Variants in ENTPD1 observed in about 807,000 individuals in gnomAD.
ENTPD1 encodes ATP diphosphohydrolase.
A neutral mutation model predicts 57.0 loss-of-function variants in ENTPD1; 33 were observed. That is an observed-to-expected ratio of 0.58 (90% CI 0.44 to 0.77). The LOEUF (loss-of-function observed/expected upper bound fraction) is 0.77, where lower values mean the gene tolerates loss of function less well. ENTPD1 is among the 30% of genes least tolerant of loss of function. The pLI is 0.00. For synonymous variants in ENTPD1, 202 were observed against 218.8 expected, an observed-to-expected ratio of 0.92 and a Z score of 0.68; for missense variants, 501 against 603.4, an observed-to-expected ratio of 0.83 and a Z score of 1.78.
At chr10:95,775,648 A>G (rs746100794) in intron 1 of ENTPD1, among the ~76,000 whole-genome samples, 2 of 152,082 alleles carry the variant, frequency 1.3e-5, no homozygotes, top group African/African-American at 2.4e-5. Flanking sequence ...GTAGATGTCT[A>G]TTAGGTTTGC....
intron 3 of ENTPD1, among the ~76,000 whole-genome samples, chr10:95,840,541 C>T (rs1356924636): frequency 1.3e-5 from 2 of 152,042 alleles, no homozygotes; most frequent in African/African-American, 2.4e-5. Flanking sequence ...ACTTACAGAT[C>T]GTTTAAATTT....
chr10:95,826,886 G>A (rs1360035729), intron 2 of ENTPD1, among the ~76,000 whole-genome samples: 2 of 152,128 alleles, frequency 1.3e-5, no homozygotes, highest in Non-Finnish European at 2.9e-5. Flanking sequence ...TGTGGAAGGA[G>A]GGGGAGCCTT....
intron 7 of ENTPD1, among the ~76,000 whole-genome samples, chr10:95,858,198 T>C (rs2140956744): frequency 6.7e-6 from 1 of 148,170 alleles, no homozygotes; most frequent in South Asian, 2.1e-4. Context: ...AAAGAGACAG[T>C]CCTGTGAAAG....
At chr10:95,720,226 C>A (rs2097976003) in intron 1 of ENTPD1, among the ~76,000 whole-genome samples, 2 of 152,082 alleles carry the variant, frequency 1.3e-5, no homozygotes, top group African/African-American at 4.8e-5. Flanking sequence ...TTGAACAGAA[C>A]AGGCATTCTT....
In ENTPD1 at chr10:95,823,229, G is replaced by A; in HGVS notation, c.17-8G>A. 1 of 1,613,860 alleles carries A rather than the reference G, an allele frequency of 6.2e-7. No individual in the cohort carries two copies. Among genetic ancestry groups the A allele is most frequent in the Non-Finnish European group, 8.5e-7 (1 of 1,179,848 alleles). On this transcript the variant is annotated splice_polypyrimidine_tract_variant and splice_region_variant and intron_variant, in intron 1 of 9. Transcript: ENST00000371205. ...GTTGGTATTTTTTTCTTCTGCTTTT[G>A]GTTTTAGAGTCTAACGTGAAGACAT...
the ENTPD1 span, among the ~76,000 whole-genome samples, chr10:95,702,195 C>T: frequency 0.037 from 5,632 of 151,558 alleles, 129 homozygotes; most frequent in Non-Finnish European, 0.049. Flanking sequence ...ATATTAGGTC[C>T]CAATAAGAGG....
In ENTPD1 at chr10:95,870,515, G is replaced by A; in HGVS notation, c.*4132G>A. 1 of 963,074 alleles carries A rather than the reference G, an allele frequency of 1.0e-6. No individual in the cohort carries two copies. 59.7% of individuals were successfully genotyped at this position (963,074 alleles called of 1,614,324 possible). On this transcript the variant is annotated 3_prime_UTR_variant, in exon 10 of 10. Transcript: ENST00000371205. The stretch of plus-strand genomic sequence containing the variant: ...GCTGGTCTCGAACTCCTGCCCTCAA[G>A]CAATCCTCCTGCCTTGGCCTCCCAA...
chr10:95,777,971 C>T (rs1353293543), intron 1 of ENTPD1, among the ~76,000 whole-genome samples: 1 of 152,216 alleles, frequency 6.6e-6, no homozygotes, highest in East Asian at 1.9e-4. Flanking sequence ...ATATAATCTC[C>T]TGGTGTGCCA....
chr10:95,811,075 A>G (rs1473039168), intron 1 of ENTPD1, among the ~76,000 whole-genome samples: 1 of 152,246 alleles, frequency 6.6e-6, no homozygotes, highest in South Asian at 2.1e-4. Flanking sequence ...ATAGACATTT[A>G]ATTGCATGAC....
intron 7 of ENTPD1, among the ~76,000 whole-genome samples, chr10:95,852,831 T>G (rs1338212650): frequency 6.6e-6 from 1 of 152,244 alleles, no homozygotes; most frequent in Non-Finnish European, 1.5e-5. Context: ...TTGGTTACTG[T>G]AGCCTTGTAG....
At position 95,870,982 on chromosome 10, in the gene ENTPD1, T is replaced by C. The variant is rs1456617302; in HGVS notation, c.*4599T>C. The C allele has an allele frequency of 1.0e-6, 1 of 985,338 alleles. No individual in the cohort carries two copies. Among genetic ancestry groups the C allele is most frequent in the Admixed American group, 6.1e-5 (1 of 16,268 alleles). The allele number at this position is 985,338 out of a possible 1,614,324, so 61.0% of individuals were successfully genotyped here. A position where few individuals can be genotyped will look rare whatever the true frequency, so the allele number is the denominator to read the frequency against. On this transcript the variant is annotated 3_prime_UTR_variant, in exon 10 of 10. Coordinates refer to ENST00000371205, the MANE Select transcript of ENTPD1 (RefSeq NM_001776.6). ...CTTGTTCTCCTTGTCCAGTGGTTTC[T>C]AGGGATATGTTCTCATGATGAACCC...
chr10:95,704,341 TAAA>T, the ENTPD1 span, among the ~76,000 whole-genome samples: 2 of 152,082 alleles, frequency 1.3e-5, no homozygotes, highest in Non-Finnish European at 2.9e-5. Flanking sequence ...AAGAGAATCT[TAAA>T]GAAGAACAAG....
intron 2 of ENTPD1, chr10:95,833,467 T>C (rs1327511581): frequency 6.6e-6 from 1 of 152,242 alleles, no homozygotes; most frequent in Non-Finnish European, 1.5e-5. Flanking sequence ...CTCAAAATTA[T>C]AAGCTTTGTT....
At chr10:95,862,557 C>T (rs547067066) in intron 8 of ENTPD1, among the ~76,000 whole-genome samples, 182 of 152,326 alleles carry the variant, frequency 1.2e-3, no homozygotes, top group Non-Finnish European at 2.2e-3. Flanking sequence ...AAATAAAATG[C>T]AAACCACACC....
chr10:95,830,402 C>A (rs2098392577), intron 2 of ENTPD1, among the ~76,000 whole-genome samples: 1 of 152,126 alleles, frequency 6.6e-6, no homozygotes, highest in Non-Finnish European at 1.5e-5. Flanking sequence ...GGTGTTCAAG[C>A]TTGGATCCAT....
At chr10:95,845,149 A>G (rs1275332780) in intron 5 of ENTPD1, among the ~76,000 whole-genome samples, 1 of 152,168 alleles carries the variant, frequency 6.6e-6, no homozygotes, top group East Asian at 1.9e-4. Context: ...CACCAGTTAC[A>G]CTGCTTCTAT....
rs990431672 is a variant in ENTPD1 at position 95,873,295 on chromosome 10, C to T, written c.*6912C>T. 28 of 985,320 alleles carry T rather than the reference C, an allele frequency of 2.8e-5. No individual in the cohort carries two copies. The highest frequency in any genetic ancestry group is 1.4e-4 in the South Asian group (3 of 21,294). 61.0% of individuals were successfully genotyped at this position (985,320 alleles called of 1,614,324 possible). On this transcript the variant is annotated 3_prime_UTR_variant, in exon 10 of 10. Transcript: ENST00000371205. ...TTCTGTTCCACAGCAGGCCAGCTAA[C>T]GTGGTATTTACAAAGCTCACTCCTC...
upstream of ENTPD1, among the ~76,000 whole-genome samples, chr10:95,711,384 T>C (rs1460186084): frequency 1.3e-5 from 2 of 152,358 alleles, no homozygotes; most frequent in East Asian, 3.8e-4. Flanking sequence ...TCCCACTCAG[T>C]CTATAGCATT....
In ENTPD1 at chr10:95,820,035, G is replaced by T. The variant is rs186056333; in HGVS notation, c.17-3202G>T. Among the ~76,000 whole-genome samples the T allele has an allele frequency of 3.3e-3, 500 of 152,228 alleles. 2 individuals are homozygous for T. The highest frequency in any genetic ancestry group is 0.011 in the African/African-American group (474 of 41,514). ...AGCACTCTGGGGGTCTAAGAAGAAG[G>T]GGCAGTTACCTAAGTAATTCTCTTT... On this transcript the variant is annotated intron_variant, in intron 1 of 9. Transcript: ENST00000371205.
Sources: allele counts gnomAD v4.1 joint callset (sites outside exome capture counted in the v4.1 genomes callset), GRCh38; gene constraint gnomAD v4.1.1; transcripts MANE v1.5; gene names NCBI Gene and HGNC (gene_info 2026-07-23, HGNC 2026-07-21).